PEG3: variants seen among roughly 807,000 people sequenced by gnomAD.
PEG3 encodes the protein paternally-expressed gene 3 protein.
PEG3 carries 23 observed loss-of-function variants against 35.5 expected under a neutral mutation model. The observed-to-expected ratio is 0.65, with a 90% CI of 0.47 to 0.92. The LOEUF is 0.92. PEG3 is among the 40% of genes least tolerant of loss of function. The pLI, the probability that PEG3 is intolerant of heterozygous loss-of-function variation, is 0.00. For synonymous variants in PEG3, 707 were observed against 697.0 expected, an observed-to-expected ratio of 1.01 and a Z score of -0.23; for missense variants, 1,960 against 1,985.3, an observed-to-expected ratio of 0.99 and a Z score of 0.24.
rs774336657 is a variant in PEG3 at position 56,813,683 on chromosome 19, T to C, written c.4759A>G (p.Thr1587Ala). The C allele has an allele frequency of 3.1e-6, 5 of 1,611,880 alleles. No homozygotes were observed. In the African/African-American group the frequency reaches 5.3e-5, roughly 17 times the overall value. Residue 1587 changes from threonine to alanine, a missense_variant, in exon 10 of 10, where the codon ACT becomes GCT. This residue lies in a region of PEG3 where 416 missense variants were observed against 416.7 expected (regional missense o/e 1.00). Transcript: ENST00000326441. ...ACCTTTACCCCATGCCCTCAGCCAG[T>C]GTGGGTATTCTGGTGTCTGGCGAGG... is the stretch of plus-strand genomic sequence containing the variant. ...LSLARHQNTH[T>A]G
chr19:56,833,279 G>A (rs1052421807), intron 2 of PEG3: 12 of 449,648 alleles, frequency 2.7e-5, no homozygotes, highest in East Asian at 6.7e-5. Flanking sequence ...CCCCTAACTC[G>A]TTCTACCTAC....
At chr19:56,834,278 G>C (rs920473667) in intron 2 of PEG3, among the ~76,000 whole-genome samples, 1 of 152,152 alleles carries the variant, frequency 6.6e-6, no homozygotes, top group African/African-American at 2.4e-5. Context: ...GGGAGGACAA[G>C]GGTGTTAGAT....
intron 2 of PEG3, among the ~76,000 whole-genome samples, chr19:56,827,365 G>A (rs145149255): frequency 5.6e-4 from 85 of 152,098 alleles, no homozygotes; most frequent in African/African-American, 1.9e-3. Context: ...TTGGCCCTTG[G>A]TCAATAGAAG....
chr19:56,823,777 A>ACAGACACACAGACAC, intron 4 of PEG3, 98 bp from the exon 5 acceptor site: 1 of 1,347,994 alleles, frequency 7.4e-7, no homozygotes, highest in East Asian at 2.3e-5. Flanking sequence ...ACAGACACAC[A>ACAGACACACAGACAC]TGGTTGGAAT....
Position 56,815,029 on chromosome 19 carries a change from C to A in PEG3, c.3413G>T (p.Arg1138Leu). The A allele has an allele frequency of 6.2e-7, 1 of 1,614,172 alleles. No homozygotes were observed. Among genetic ancestry groups the A allele is most frequent in the Admixed American group, 1.7e-5 (1 of 60,020 alleles). ...GTGAATTACAGAATGTGTGTACTCC[C>A]GACTGTCAACCAGGCACTTCCTGCT... Reference protein sequence around the residue: ...VHSRKCLVDSREYTHSVIHTH... With the variant: ...VHSRKCLVDSLEYTHSVIHTH... Residue 1138 changes from arginine (R) to leucine (L), a missense_variant, in exon 10 of 10, where the codon CGG becomes CTG. Transcript: ENST00000326441.
At chr19:56,832,233 T>C (rs1219109401) in intron 2 of PEG3, among the ~76,000 whole-genome samples, 1 of 152,212 alleles carries the variant, frequency 6.6e-6, no homozygotes, top group East Asian at 1.9e-4. Flanking sequence ...TTGTTTTCCT[T>C]CCTGCCCAGC....
intron 2 of PEG3, among the ~76,000 whole-genome samples, 160 bp from the exon 3 acceptor site, chr19:56,826,623 C>T (rs917812346): frequency 6.6e-6 from 1 of 152,168 alleles, no homozygotes; most frequent in Non-Finnish European, 1.5e-5. Context: ...GCTATATAAA[C>T]CATGCCAGAC....
chr19:56,818,571 G>A (rs756213183), intron 8 of PEG3, 29 bp downstream of exon 8: 2 of 1,611,646 alleles, frequency 1.2e-6, no homozygotes, highest in East Asian at 2.2e-5. Flanking sequence ...TGACTGGACT[G>A]GGAGTGACTG....
chr19:56,814,880 C>T lies in PEG3; in HGVS notation c.3562G>A (p.Asp1188Asn), dbSNP rs1206898502. The T allele has an allele frequency of 2.5e-6, 4 of 1,614,034 alleles. No individual in the cohort carries two copies. In the African/African-American group the frequency reaches 5.3e-5, roughly 22 times the overall value. The change falls in exon 10 of 10, where the codon GAC (aspartate) becomes AAC (asparagine). Residue 1188 changes from aspartate to asparagine, a missense_variant. This residue lies in a region of PEG3 where 124 missense variants were observed against 179.6 expected (regional missense o/e 0.69). Coordinates refer to ENST00000326441, the MANE Select transcript of PEG3 (RefSeq NM_006210.3). This position sits in a 1 kb window ranked among gnomAD's most constrained non-coding sequence, Gnocchi z 5.8. ...LFEHQRIHEQ[D>N]QLYSMKGCDD... ...CACCCCTTCATGGAATACAACTGGT[C>T]TTGTTCATGGATTCTCTGATGCTCG...
intron 5 of PEG3, among the ~76,000 whole-genome samples, chr19:56,823,299 A>G (rs576679918): frequency 6.6e-6 from 1 of 152,344 alleles, no homozygotes; most frequent in South Asian, 2.1e-4. Flanking sequence ...TCTTTAATGA[A>G]CCTTCCTGAG....
Position 56,812,808 on chromosome 19 carries a change from T to C in PEG3, c.*867A>G, listed in dbSNP as rs1306094362. Reference sequence around the variant, plus strand: ...TCAATTCACTATCATCAAACACATATTGAGTTGGTTAAAAAAAAAAAAAAC... The same window carrying C: ...TCAATTCACTATCATCAAACACATACTGAGTTGGTTAAAAAAAAAAAAAAC... On this transcript the variant is annotated 3_prime_UTR_variant, in exon 10 of 10. Coordinates refer to ENST00000326441, the MANE Select transcript of PEG3 (RefSeq NM_006210.3). The C allele has an allele frequency of 2.4e-5, 22 of 932,008 alleles. No homozygotes were observed. Among genetic ancestry groups the C allele is most frequent in the East Asian group, 1.3e-4 (1 of 7,560 alleles). 57.7% of individuals were successfully genotyped at this position (932,008 alleles called of 1,614,324 possible).
chr19:56,829,703 G>C (rs114037662), intron 2 of PEG3, among the ~76,000 whole-genome samples: 3,476 of 152,288 alleles, frequency 0.023, 137 homozygotes, highest in African/African-American at 0.081. Flanking sequence ...GATTCAACCC[G>C]TCCTCTACTT....
chr19:56,823,092 C>T (rs1209227069), intron 5 of PEG3, among the ~76,000 whole-genome samples: 1 of 152,232 alleles, frequency 6.6e-6, no homozygotes, highest in Non-Finnish European at 1.5e-5. Flanking sequence ...TAGCTAACCC[C>T]CACTTCAGAC....
intron 7 of PEG3, among the ~76,000 whole-genome samples, chr19:56,820,055 A>T (rs1174853273): frequency 6.6e-6 from 1 of 152,234 alleles, no homozygotes; most frequent in African/African-American, 2.4e-5. Context: ...GCACGCTTTG[A>T]TTGAAAATTA....
intron 2 of PEG3, among the ~76,000 whole-genome samples, chr19:56,831,220 G>A (rs1368880978): frequency 6.6e-6 from 1 of 152,134 alleles, no homozygotes; most frequent in African/African-American, 2.4e-5. Flanking sequence ...TAAGCACTAG[G>A]ACAAATATAC....
Position 56,817,577 on chromosome 19 carries a change from G to C in PEG3, c.865C>G (p.Leu289Val). 1.3e-6 allele frequency: 2 copies of C among 1,582,022 alleles called. No individual in the cohort carries two copies. The highest frequency in any genetic ancestry group is 1.7e-6 in the Non-Finnish European group (2 of 1,163,868). Residue 289 changes from leucine (L) to valine (V), a missense_variant and splice_region_variant, in exon 10 of 10, where the codon CTA becomes GTA. By Grantham distance (32) the Leu-to-Val change is conservative. Coordinates refer to ENST00000326441, the MANE Select transcript of PEG3 (RefSeq NM_006210.3). ...TTTTTGGCTTCAGGCATAGTTTTTAGACCTGGAAAGAAACCCCAAATGTAA... is the reference window on the plus strand; with the variant it reads ...TTTTTGGCTTCAGGCATAGTTTTTACACCTGGAAAGAAACCCCAAATGTAA... ...RSAYPSTSRG[L>V]KTMPEAKKST...
chr19:56,815,912 G>A lies in PEG3; in HGVS notation c.2530C>T (p.Pro844Ser). ...VIHSLVASKP[P>S]RSHNGNELVE... ...AATTCATTTCCATTGTGACTTCTTG[G>A]AGGTTTGGAAGCCACTAAGCTATGG... Residue 844 changes from proline (P) to serine (S), a missense_variant, in exon 10 of 10, where the codon CCA becomes TCA. Around this residue, in one of 5 missense-constraint regions of PEG3, gnomAD observed 798 missense variants for 782.4 expected, o/e 1.02. Transcript: ENST00000326441. 1 of 1,611,340 alleles carries A rather than the reference G, an allele frequency of 6.2e-7. No homozygotes were observed. The highest frequency in any genetic ancestry group is 8.5e-7 in the Non-Finnish European group (1 of 1,178,538).
chr19:56,821,701 T>C lies in PEG3; in HGVS notation c.619A>G (p.Met207Val). Residue 207 changes from methionine (M) to valine (V), a missense_variant, in exon 7 of 10, where the codon ATG (methionine) becomes GTG (valine). Met to Val is a conservative substitution (Grantham distance 21). Transcript: ENST00000326441. ...GAGTCCCTGTCGTCCTCTCTGTCCATTTCAAAGCTTGTTTTCGCCACCACA... is the reference window on the plus strand; with the variant it reads ...GAGTCCCTGTCGTCCTCTCTGTCCACTTCAAAGCTTGTTTTCGCCACCACA... Reference protein sequence around the residue: ...LPVVAKTSFEMDREDDRDSRA... With the variant: ...LPVVAKTSFEVDREDDRDSRA... The C allele has an allele frequency of 6.2e-7, 1 of 1,614,006 alleles. No individual in the cohort carries two copies. The highest frequency in any genetic ancestry group is 8.5e-7 in the Non-Finnish European group (1 of 1,180,016).
chr19:56,833,878 C>T (rs1410203269), intron 2 of PEG3: 1 of 152,732 alleles, frequency 6.5e-6, no homozygotes, highest in Non-Finnish European at 1.5e-5. Context: ...ACCCTCTGGT[C>T]TGTTGGCTGG....
Sources: gnomAD v4.1 joint callset for allele counts (sites outside exome capture counted in the v4.1 genomes callset) on GRCh38, gnomAD v4.1.1 for gene constraint, gnomAD v4.1.1 regional missense constraint, Gnocchi (gnomAD v3.1) non-coding constraint, MANE v1.5 for transcripts, NCBI Gene and HGNC (gene_info 2026-07-23, HGNC 2026-07-21) for gene names.